LRRC4C: variants seen among roughly 807,000 people sequenced by gnomAD.
The protein encoded by LRRC4C is leucine-rich repeat-containing protein 4C.
LRRC4C carries 5 observed loss-of-function variants against 33.6 expected under a neutral mutation model. The observed-to-expected ratio is 0.15, with a 90% confidence interval of 0.08 to 0.31. LRRC4C has a LOEUF of 0.31. Ranked by LOEUF, LRRC4C falls within the 10% of genes least tolerant of loss-of-function variation. LRRC4C has a pLI of 1.00. For synonymous variants in LRRC4C, 329 were observed against 302.0 expected (o/e 1.09, Z -0.93); for missense variants, 560 against 796.7 (o/e 0.70, Z 3.58).
At chr11:40,339,046 C>T (rs1418375815) in intron 3 of LRRC4C, among the ~76,000 whole-genome samples, 1 of 152,200 alleles carries the variant, frequency 6.6e-6, no homozygotes, top group Non-Finnish European at 1.5e-5. Context: ...CACACCTTTT[C>T]CTCCTCTTTA....
chr11:41,118,341 A>T (rs929387295), intron 1 of LRRC4C, among the ~76,000 whole-genome samples: 26 of 152,164 alleles, frequency 1.7e-4, no homozygotes, highest in Non-Finnish European at 3.8e-4. Context: ...CAGACATCCA[A>T]CATACTGCAG....
chr11:40,714,077 T>C (rs911757256), intron 2 of LRRC4C, among the ~76,000 whole-genome samples: 8 of 152,146 alleles, frequency 5.3e-5, no homozygotes, highest in African/African-American at 1.9e-4. Flanking sequence ...AAATGATCCA[T>C]ATGATGCAGA....
intron 2 of LRRC4C, among the ~76,000 whole-genome samples, chr11:40,715,037 T>C (rs1206809234): frequency 6.6e-6 from 1 of 152,010 alleles, no homozygotes; most frequent in African/African-American, 2.4e-5. Flanking sequence ...ACCAACACAC[T>C]CATAGACATG....
chr11:41,210,371 G>A (rs1345268211), intron 1 of LRRC4C, among the ~76,000 whole-genome samples: 2 of 152,138 alleles, frequency 1.3e-5, no homozygotes, highest in African/African-American at 4.8e-5. Context: ...AGATCTGATG[G>A]TTTTACAAGG....
intron 1 of LRRC4C, among the ~76,000 whole-genome samples, chr11:41,397,884 C>T (rs1426815154): frequency 1.3e-5 from 2 of 151,688 alleles, no homozygotes; most frequent in African/African-American, 4.8e-5. Context: ...ATATATTTTC[C>T]ATGTAGTATT....
chr11:40,237,599 C>G (rs1299447362), intron 5 of LRRC4C, among the ~76,000 whole-genome samples: 1 of 152,310 alleles, frequency 6.6e-6, no homozygotes. Context: ...TTTCCTCATT[C>G]CCTTTCTCTT....
chr11:40,224,199 G>A (rs1219189563), intron 5 of LRRC4C, among the ~76,000 whole-genome samples: 1 of 152,200 alleles, frequency 6.6e-6, no homozygotes. Flanking sequence ...TATAGAGGCT[G>A]TCAAATACTC....
chr11:40,398,738 C>G (rs1246147183), intron 3 of LRRC4C, among the ~76,000 whole-genome samples: 3 of 151,960 alleles, frequency 2.0e-5, no homozygotes, highest in Non-Finnish European at 2.9e-5. Flanking sequence ...GCATCTGGGT[C>G]CTGGGTTCTA....
chr11:40,293,618 AAAGAAAAAG>A (rs1419032571), intron 4 of LRRC4C: 2 of 152,274 alleles, frequency 1.3e-5, no homozygotes, highest in Non-Finnish European at 2.9e-5. Context: ...AGAAAGAAAA[AAAGAAAAAG>A]AAGAAAAAAA....
intron 1 of LRRC4C, among the ~76,000 whole-genome samples, chr11:41,061,476 G>A (rs1937762204): frequency 6.6e-6 from 1 of 152,174 alleles, no homozygotes; most frequent in Non-Finnish European, 1.5e-5. Context: ...AAGACTTCTA[G>A]ACTCTGAATA....
chr11:40,705,576 T>C (rs1946123180), intron 2 of LRRC4C, among the ~76,000 whole-genome samples: 1 of 142,644 alleles, frequency 7.0e-6, no homozygotes, highest in Non-Finnish European at 1.5e-5. Context: ...GTGGTGTATA[T>C]GTGCCACATT....
intron 5 of LRRC4C, among the ~76,000 whole-genome samples, chr11:40,204,954 A>G (rs1863037683): frequency 6.6e-6 from 1 of 152,168 alleles, no homozygotes. Context: ...ACCTTAGACA[A>G]TTCTTCCCTA....
chr11:40,807,523 T>A (rs1951307658), intron 2 of LRRC4C, among the ~76,000 whole-genome samples: 1 of 152,220 alleles, frequency 6.6e-6, no homozygotes. Flanking sequence ...AGTTGTATAT[T>A]GTCAAACTCT....
chr11:40,441,446 G>A (rs912068371), intron 3 of LRRC4C, among the ~76,000 whole-genome samples: 1 of 152,146 alleles, frequency 6.6e-6, no homozygotes, highest in Non-Finnish European at 1.5e-5. Flanking sequence ...GTGCCTGAAG[G>A]TATTTCTCTA....
intron 2 of LRRC4C, among the ~76,000 whole-genome samples, chr11:40,661,817 T>A (rs1403675371): frequency 6.6e-6 from 1 of 152,196 alleles, no homozygotes. Flanking sequence ...GTGAGCTTGA[T>A]TCTTTATAGT....
intron 1 of LRRC4C, among the ~76,000 whole-genome samples, chr11:40,937,605 G>GTT (rs1565221151): frequency 1.0e-5 from 1 of 99,268 alleles, no homozygotes; most frequent in East Asian, 5.9e-4. Context: ...GTGTGTATAT[G>GTT]TGTGTGTGTG....
At chr11:41,368,985 T>G (rs574419314) in intron 1 of LRRC4C, among the ~76,000 whole-genome samples, 3 of 152,336 alleles carry the variant, frequency 2.0e-5, no homozygotes, top group Non-Finnish European at 4.4e-5. Flanking sequence ...TTTCTATTTT[T>G]CTCTGTTACC....
chr11:40,466,646 GAAGAT>G (rs1157324717), intron 3 of LRRC4C, among the ~76,000 whole-genome samples: 10 of 151,504 alleles, frequency 6.6e-5, no homozygotes, highest in Non-Finnish European at 1.5e-4. Context: ...TTAACTTGAC[GAAGAT>G]AATAATTGTG....
At chr11:40,898,261 G>A (rs961480904) in intron 2 of LRRC4C, among the ~76,000 whole-genome samples, 5 of 148,230 alleles carry the variant, frequency 3.4e-5, no homozygotes, top group African/African-American at 1.2e-4. Flanking sequence ...GGCTGAGCCA[G>A]GAGAATTGCT....
Sources: gnomAD v4.1 joint callset for allele counts (sites outside exome capture counted in the v4.1 genomes callset) on GRCh38, gnomAD v4.1.1 for gene constraint, MANE v1.5 for transcripts, NCBI Gene and HGNC (gene_info 2026-07-23, HGNC 2026-07-21) for gene names.